MIPOL1: variants seen among roughly 807,000 people sequenced by gnomAD.
MIPOL1 encodes mirror-image polydactyly 1, also known as mirror-image polydactyly gene 1 protein.
A neutral mutation model predicts 60.9 loss-of-function variants in MIPOL1; 57 were observed. The ratio of observed to expected loss-of-function variants is 0.94; its 90% CI spans 0.76 to 1.17. The LOEUF (loss-of-function observed/expected upper bound fraction) is 1.17, where lower values mean the gene tolerates loss of function less well. Ranked by LOEUF, MIPOL1 falls within the 50% of genes most tolerant of loss-of-function variation. MIPOL1 has a pLI of 0.00. For missense variants in MIPOL1, 551 were observed against 511.6 expected, an observed-to-expected ratio of 1.08 and a Z score of -0.74; for synonymous variants, 179 against 168.8, an observed-to-expected ratio of 1.06 and a Z score of -0.47.
At position 37,464,558 on chromosome 14, in the gene MIPOL1, A is replaced by T. The variant is rs542233352; in HGVS notation, c.1032-35350A>T. Reference sequence around the variant, plus strand: ...GGATACACGTGGAAATACAGAGGAGAATAATAGACACTGGGGATTCCAAAG... The same window carrying T: ...GGATACACGTGGAAATACAGAGGAGTATAATAGACACTGGGGATTCCAAAG... On this transcript the variant is annotated intron_variant, in intron 11 of 12. Transcript: ENST00000684589. 8.5e-5 allele frequency among the ~76,000 whole-genome samples: 13 copies of T among 152,242 alleles called. No homozygotes were observed. The East Asian group carries it at 2.5e-3, about 30-fold the overall frequency.
chr14:37,345,767 A>G (rs1426084120), intron 9 of MIPOL1, among the ~76,000 whole-genome samples: 1 of 152,200 alleles, frequency 6.6e-6, no homozygotes, highest in African/African-American at 2.4e-5. Context: ...AGAACTAGGA[A>G]GTACATACAC....
chr14:37,217,924 A>C (rs538120933), intron 1 of MIPOL1, among the ~76,000 whole-genome samples: 62 of 152,306 alleles, frequency 4.1e-4, no homozygotes, highest in African/African-American at 1.4e-3. Flanking sequence ...TGCTCTTAGT[A>C]CTATGGATTT....
intron 3 of MIPOL1, among the ~76,000 whole-genome samples, chr14:37,252,192 A>G (rs1974226228): frequency 6.6e-6 from 1 of 151,646 alleles, no homozygotes. Flanking sequence ...TTTTACACAC[A>G]AGTAGTTATT....
chr14:37,433,905 GC>G (rs1163494327), intron 11 of MIPOL1, among the ~76,000 whole-genome samples: 2 of 152,102 alleles, frequency 1.3e-5, no homozygotes, highest in African/African-American at 2.4e-5. Flanking sequence ...GTGTATATGT[GC>G]TACATTTTCT....
At position 37,275,662 on chromosome 14, in the gene MIPOL1, A is replaced by G. The variant is rs192042618; in HGVS notation, c.493+5137A>G. 7.9e-5 allele frequency among the ~76,000 whole-genome samples: 12 copies of G among 151,254 alleles called. No individual in the cohort carries two copies. The East Asian group carries it at 2.1e-3, about 27-fold the overall frequency. The stretch of plus-strand genomic sequence containing the variant: ...CTATTGCTTTTATAGTATGCAGATG[A>G]TGCTTGAATTTTACGTAAAAGTATT... On this transcript the variant is annotated intron_variant, in intron 6 of 12. Transcript: ENST00000684589.
intron 9 of MIPOL1, among the ~76,000 whole-genome samples, chr14:37,368,568 G>A (rs2092549268): frequency 6.6e-6 from 1 of 151,976 alleles, no homozygotes; most frequent in Admixed American, 6.6e-5. Flanking sequence ...ATCAGTATGT[G>A]TCCTTATTAG....
intron 9 of MIPOL1, among the ~76,000 whole-genome samples, chr14:37,339,856 G>A (rs1275141553): frequency 3.3e-5 from 5 of 152,178 alleles, no homozygotes; most frequent in South Asian, 4.2e-4. Flanking sequence ...GCTTAAGAGG[G>A]GGTACCAAGA....
rs138266868 is a variant in MIPOL1, at chr14:37,534,560, T to C, written c.1263-12345T>C. Among the ~76,000 whole-genome samples, 1,497 of 152,290 alleles carry C rather than the reference T, an allele frequency of 9.8e-3. 15 individuals are homozygous for C. Among genetic ancestry groups the C allele is most frequent in the Admixed American group, 0.018 (268 of 15,290 alleles). ...AGCCTGTTGGGCTAGTTACCAAATATACAGTGGTAAACACATTGTCCCTAC... is the reference window on the plus strand; with the variant it reads ...AGCCTGTTGGGCTAGTTACCAAATACACAGTGGTAAACACATTGTCCCTAC... On this transcript the variant is annotated intron_variant, in intron 12 of 12. Coordinates refer to ENST00000684589, the MANE Select transcript of MIPOL1 (RefSeq NM_001388067.1).
At chr14:37,310,606 C>T (rs1324219160) in intron 9 of MIPOL1, among the ~76,000 whole-genome samples, 2 of 152,126 alleles carry the variant, frequency 1.3e-5, no homozygotes, top group African/African-American at 2.4e-5. Context: ...ACCACTTGTT[C>T]CTTTTCTCTC....
rs187861655 is a variant in MIPOL1 at position 37,405,317 on chromosome 14, G to T, written c.937-17538G>T. On this transcript the variant is annotated intron_variant, in intron 10 of 12. Coordinates refer to ENST00000684589, the MANE Select transcript of MIPOL1 (RefSeq NM_001388067.1). ...CAAATAATTTCCACATTCATATACAGAATTTTTGTTTAAATTACTGCATAT... is the reference window on the plus strand; with the variant it reads ...CAAATAATTTCCACATTCATATACATAATTTTTGTTTAAATTACTGCATAT... Among the ~76,000 whole-genome samples, 3 of 152,108 alleles carry T rather than the reference G, an allele frequency of 2.0e-5. No homozygotes were observed. In the East Asian group the frequency reaches 5.8e-4, roughly 29 times the overall value.
chr14:37,528,101 A>G (rs760636747), intron 12 of MIPOL1, among the ~76,000 whole-genome samples: 6 of 152,086 alleles, frequency 3.9e-5, no homozygotes, highest in South Asian at 2.1e-4. Context: ...TGCTTTTTTC[A>G]TCCATCATAC....
At chr14:37,245,623 C>T (rs1973078964) in intron 1 of MIPOL1, among the ~76,000 whole-genome samples, 1 of 152,056 alleles carries the variant, frequency 6.6e-6, no homozygotes, top group Non-Finnish European at 1.5e-5. Context: ...ATTTATTACT[C>T]TCTTCGTCTC....
chr14:37,450,870 A>G (rs2094407183), intron 11 of MIPOL1, among the ~76,000 whole-genome samples: 1 of 152,104 alleles, frequency 6.6e-6, no homozygotes, highest in Non-Finnish European at 1.5e-5. Flanking sequence ...AATCGTGTCC[A>G]CTTCCTCATT....
rs1964754112 is a variant in MIPOL1, at chr14:37,198,798, C to T, written c.-199+694C>T. 2.6e-5 allele frequency among the ~76,000 whole-genome samples: 4 copies of T among 152,208 alleles called. No homozygotes were observed. The South Asian group carries it at 8.3e-4, about 32-fold the overall frequency. On this transcript the variant is annotated intron_variant, in intron 1 of 12. Coordinates refer to ENST00000684589, the MANE Select transcript of MIPOL1 (RefSeq NM_001388067.1). ...GGTAGTAGATAGAAATAAGCCAAAACAAAGGGCCAAACAAAACTACATTTC... is the reference window on the plus strand; with the variant it reads ...GGTAGTAGATAGAAATAAGCCAAAATAAAGGGCCAAACAAAACTACATTTC...
intron 3 of MIPOL1, among the ~76,000 whole-genome samples, chr14:37,257,107 G>GTGTGTGTGTT (rs1975093758): frequency 6.7e-6 from 1 of 148,962 alleles, no homozygotes; most frequent in African/African-American, 2.4e-5. Context: ...GTGTGTGTGT[G>GTGTGTGTGTT]TGTGTGTGTG....
At chr14:37,356,249 A>G in intron 9 of MIPOL1, among the ~76,000 whole-genome samples, 1 of 151,468 alleles carries the variant, frequency 6.6e-6, no homozygotes, top group East Asian at 2.0e-4. Context: ...CCACTTGAGG[A>G]GTCAGTCTGC....
chr14:37,259,699 AAAG>A (rs2082381935), intron 3 of MIPOL1, among the ~76,000 whole-genome samples: 2 of 152,272 alleles, frequency 1.3e-5, no homozygotes, highest in Admixed American at 1.3e-4. Context: ...ATAGTACAAA[AAAG>A]AATGTAAATT....
At chr14:37,401,901 C>A (rs933052866) in intron 10 of MIPOL1, 11 of 151,988 alleles carry the variant, frequency 7.2e-5, no homozygotes, top group African/African-American at 2.7e-4. Flanking sequence ...TGGCATGGAA[C>A]TACAGTTTTA....
intron 4 of MIPOL1, among the ~76,000 whole-genome samples, chr14:37,267,441 T>C (rs1034166953): frequency 6.6e-6 from 1 of 151,962 alleles, no homozygotes; most frequent in Non-Finnish European, 1.5e-5. Context: ...TGAGCTGAGA[T>C]TGTGCCACTG....
Sources: gnomAD v4.1 joint callset for allele counts (sites outside exome capture counted in the v4.1 genomes callset) on GRCh38, gnomAD v4.1.1 for gene constraint, MANE v1.5 for transcripts, NCBI Gene and HGNC (gene_info 2026-07-23, HGNC 2026-07-21) for gene names.